Variants in MUC17 observed in about 807,000 individuals in gnomAD.
The protein encoded by MUC17 is mucin-17.
A neutral mutation model predicts 170.3 loss-of-function variants in MUC17; 190 were observed. The observed-to-expected ratio is 1.12, with a 90% CI of 0.99 to 1.26. The LOEUF (loss-of-function observed/expected upper bound fraction) is 1.26. Ranked by LOEUF, MUC17 falls within the 50% of genes most tolerant of loss-of-function variation. The pLI, the probability that MUC17 is intolerant of heterozygous loss-of-function variation, is 0.00. For missense variants in MUC17, 6,415 were observed against 5,530.0 expected, an observed-to-expected ratio of 1.16 and a Z score of -5.08; for synonymous variants, 2,325 against 2,002.5, an observed-to-expected ratio of 1.16 and a Z score of -4.30.
In MUC17 at chr7:101,058,720, A is replaced by G. The variant is rs1255044654; in HGVS notation, c.*676A>G. 1 of 152,192 alleles carries G rather than the reference A, an allele frequency of 6.6e-6. No individual in the cohort carries two copies. Among genetic ancestry groups the G allele is most frequent in the African/African-American group, 2.4e-5 (1 of 41,450 alleles). 9.4% of individuals were successfully genotyped at this position (152,192 alleles called of 1,614,324 possible). On this transcript the variant is annotated 3_prime_UTR_variant, in exon 13 of 13. Transcript: ENST00000306151. ...ATGAAAAACACCTGTATTTAAATAT[A>G]GAGCATTTACCTTTTGGTATATAAG...
At position 101,036,143 on chromosome 7, in the gene MUC17, C is replaced by T. The variant is rs1392925665; in HGVS notation, c.4727C>T (p.Thr1576Ile). ...TATAGTGAAGGAAGCACTCCACTAA[C>T]AAGTTTGCCTGTCAGCACCATGCTG... ...STYSEGSTPL[T>I]SLPVSTMLVV... is the part of the protein sequence containing the mutation. The change falls in exon 3 of 13, where the codon ACA becomes ATA. Residue 1576 changes from threonine (T) to isoleucine (I), a missense_variant. Physicochemically the swap from Thr to Ile is moderately conservative, Grantham distance 89 (BLOSUM62 -1). Coordinates refer to ENST00000306151, the MANE Select transcript of MUC17 (RefSeq NM_001040105.2). 1 of 1,612,934 alleles carries T rather than the reference C, an allele frequency of 6.2e-7. No individual in the cohort carries two copies. Among genetic ancestry groups the T allele is most frequent in the African/African-American group, 1.3e-5 (1 of 74,828 alleles).
intron 1 of MUC17, among the ~76,000 whole-genome samples, chr7:101,022,680 G>A (rs751846168): frequency 6.6e-6 from 1 of 152,090 alleles, no homozygotes; most frequent in Non-Finnish European, 1.5e-5. Context: ...AGCTGGAAAT[G>A]GTGGTACACG....
intron 11 of MUC17, 30 bp downstream of exon 11, chr7:101,053,466 G>A (rs897772936): frequency 1.9e-6 from 3 of 1,578,222 alleles, no homozygotes; most frequent in Non-Finnish European, 2.6e-6. Context: ...AACTCAGAAT[G>A]GCTCAAAATG....
rs1794734258 is a variant in MUC17, at chr7:101,042,181, A to G, written c.10765A>G (p.Thr3589Ala). ...TTMLLSSTYV[T>A]SSEASTPSTP... Reference sequence around the variant, plus strand: ...TATGCTCCTCAGCAGCACATATGTGACCAGTTCTGAGGCTAGCACACCTTC... The same window carrying G: ...TATGCTCCTCAGCAGCACATATGTGGCCAGTTCTGAGGCTAGCACACCTTC... The change falls in exon 3 of 13, where the codon ACC (threonine) becomes GCC (alanine). Residue 3589 changes from threonine (T) to alanine (A), a missense_variant. By Grantham distance (58) the Thr-to-Ala change is moderately conservative (BLOSUM62 0). Coordinates refer to ENST00000306151, the MANE Select transcript of MUC17 (RefSeq NM_001040105.2). 1 of 1,612,716 alleles carries G rather than the reference A, an allele frequency of 6.2e-7. No homozygotes were observed. Among genetic ancestry groups the G allele is most frequent in the South Asian group, 1.1e-5 (1 of 90,980 alleles).
chr7:101,036,850 A>T lies in MUC17; in HGVS notation c.5434A>T (p.Ser1812Cys). The change falls in exon 3 of 13, where the codon AGC becomes TGC. Residue 1812 changes from serine (S) to cysteine (C), a missense_variant. Physicochemically the swap from Ser to Cys is moderately radical, Grantham distance 112. Coordinates refer to ENST00000306151, the MANE Select transcript of MUC17 (RefSeq NM_001040105.2). ...TLSEGMTPLT[S>C]TPVSHTLVAN... ...TAGTGAAGGAATGACTCCATTAACA[A>T]GCACACCTGTCAGCCACACGCTGGT... 6.2e-7 allele frequency: 1 copy of T among 1,605,550 alleles called. No individual in the cohort carries two copies. The highest frequency in any genetic ancestry group is 8.5e-7 in the Non-Finnish European group (1 of 1,175,648).
Position 101,037,137 on chromosome 7 carries a change from T to A in MUC17, c.5721T>A (p.Ser1907=), listed in dbSNP as rs1239428230. The part of the protein sequence containing the change: ...PVTTYAQVSS[S]PTTADGSSMP... Reference sequence around the variant, plus strand: ...CCACTTATGCTCAAGTCAGTTCATCTCCTACAACTGCTGACGGTAGCAGCA... The same window carrying A: ...CCACTTATGCTCAAGTCAGTTCATCACCTACAACTGCTGACGGTAGCAGCA... Residue 1907 remains serine (S), a synonymous_variant, in exon 3 of 13, where the codon TCT becomes TCA. Transcript: ENST00000306151. 4 of 1,612,370 alleles carry A rather than the reference T, an allele frequency of 2.5e-6. No individual in the cohort carries two copies. Among genetic ancestry groups the A allele is most frequent in the African/African-American group, 1.3e-5 (1 of 74,790 alleles).
At position 101,043,696 on chromosome 7, in the gene MUC17, A is replaced by G. The variant is rs201830793; in HGVS notation, c.12280A>G (p.Thr4094Ala). Residue 4094 changes from threonine (T) to alanine (A), a missense_variant, in exon 3 of 13, where the codon ACC (threonine) becomes GCC (alanine). Physicochemically the swap from Thr to Ala is moderately conservative, Grantham distance 58 (BLOSUM62 0). Coordinates refer to ENST00000306151, the MANE Select transcript of MUC17 (RefSeq NM_001040105.2). ...CCCTGAGGCTGTCACCACCATGACC[A>G]CCAGGACAAAACCCAGCACACGGAC... ...VNPEAVTTMT[T>A]RTKPSTRTTS... 1.9e-5 allele frequency: 30 copies of G among 1,614,154 alleles called. No individual in the cohort carries two copies. In the Admixed American group the frequency reaches 3.2e-4, roughly 17 times the overall value.
rs114501274 is a variant in MUC17, at chr7:101,051,515, G to A, written c.12875-98G>A. ...GGGGCCGGATTCCCACCTCCCCATC[G>A]CAGCCCACCCCCTTCTCACACACAC... On this transcript the variant is annotated intron_variant, in intron 7 of 12. Transcript: ENST00000306151. The A allele has an allele frequency of 8.5e-3, 10,242 of 1,204,416 alleles. 659 individuals are homozygous for A. In the African/African-American group the frequency reaches 0.14, roughly 16 times the overall value. The allele number at this position is 1,204,416 out of a possible 1,614,324, so 74.6% of individuals were successfully genotyped here. A position where few individuals can be genotyped will look rare whatever the true frequency, so the allele number is the denominator to read the frequency against.
Position 101,041,798 on chromosome 7 carries a change from CA to C in MUC17, c.10384del (p.Ile3462LeufsTer28). ...STTSEGSTPL[S>X]IMPLSTTPVA... The stretch of plus-strand genomic sequence containing the variant: ...ACTAGTGAAGGAAGCACTCCATTAT[CA>C]ATTATGCCTCTCAGTACCACGCCGG... On this transcript the variant is annotated frameshift_variant, in exon 3 of 13. Transcript: ENST00000306151. LOFTEE classifies it high-confidence loss of function. 6.2e-7 allele frequency: 1 copy of C among 1,613,988 alleles called. No homozygotes were observed. Among genetic ancestry groups the C allele is most frequent in the Non-Finnish European group, 8.5e-7 (1 of 1,180,014 alleles).
intron 1 of MUC17, 103 bp from the exon 2 acceptor site, chr7:101,031,017 G>T: frequency 7.3e-7 from 1 of 1,369,834 alleles, no homozygotes; most frequent in Non-Finnish European, 9.7e-7. Context: ...GGCTGGTTCA[G>T]GGGCCAGGGA....
At chr7:101,053,773 G>A (rs1379879354) in intron 11 of MUC17, among the ~76,000 whole-genome samples, 3 of 151,600 alleles carry the variant, frequency 2.0e-5, no homozygotes, top group South Asian at 2.1e-4. Flanking sequence ...CCAGCTACTC[G>A]GGAGGCTGAG....
rs143440714 is a variant in MUC17 at position 101,040,612 on chromosome 7, C to A, written c.9196C>A (p.Leu3066Ile). 2 of 1,612,166 alleles carry A rather than the reference C, an allele frequency of 1.2e-6. No homozygotes were observed. The highest frequency in any genetic ancestry group is 2.7e-5 in the African/African-American group (2 of 74,816). The change falls in exon 3 of 13, where the codon CTT (leucine) becomes ATT (isoleucine). Residue 3066 changes from leucine to isoleucine, a missense_variant. By Grantham distance (5) the Leu-to-Ile change is conservative. Transcript: ENST00000306151. Reference protein sequence around the residue: ...TPVAIPEASTLSTTPVDSNSP... With the variant: ...TPVAIPEASTISTTPVDSNSP... Reference sequence around the variant, plus strand: ...AGTGGCCATTCCTGAGGCTAGCACCCTTTCAACAACTCCTGTTGACTCCAA... The same window carrying A: ...AGTGGCCATTCCTGAGGCTAGCACCATTTCAACAACTCCTGTTGACTCCAA...
intron 3 of MUC17, among the ~76,000 whole-genome samples, chr7:101,044,803 T>G (rs1369410438): frequency 4.6e-5 from 7 of 152,228 alleles, no homozygotes; most frequent in Admixed American, 3.9e-4. Context: ...ACTTTTTTTT[T>G]GCAGAAGGTT....
rs767832911 is a variant in MUC17, at chr7:101,034,060, A to G, written c.2644A>G (p.Ile882Val). ...CACCACACTGGTGGCCACTTCTGCA[A>G]TCAGCACCCTTTCAACAACTCCTGT... ...VSTTLVATSA[I>V]STLSTTPVDT... Residue 882 changes from isoleucine to valine, a missense_variant, in exon 3 of 13, where the codon ATC becomes GTC. Coordinates refer to ENST00000306151, the MANE Select transcript of MUC17 (RefSeq NM_001040105.2). 5.1e-6 allele frequency: 8 copies of G among 1,582,794 alleles called. No individual in the cohort carries two copies. Among genetic ancestry groups the G allele is most frequent in the East Asian group, 2.3e-5 (1 of 43,344 alleles).
Position 101,032,432 on chromosome 7 carries a change from C to T in MUC17, c.1016C>T (p.Thr339Met), listed in dbSNP as rs4729645. 0.016 allele frequency: 26,424 copies of T among 1,609,854 alleles called. 1,758 individuals carry two copies. The East Asian group carries it at 0.17, about 10-fold the overall frequency. ...YTEGSTPLTS[T>M]PASTMPVATS... ...GAAGGAAGCACTCCATTAACAAGTACGCCTGCCAGCACCATGCCGGTTGCC... is the reference window on the plus strand; with the variant it reads ...GAAGGAAGCACTCCATTAACAAGTATGCCTGCCAGCACCATGCCGGTTGCC... Residue 339 changes from threonine to methionine, a missense_variant, in exon 3 of 13, where the codon ACG becomes ATG. Thr to Met is a moderately conservative substitution (Grantham distance 81). Coordinates refer to ENST00000306151, the MANE Select transcript of MUC17 (RefSeq NM_001040105.2).
rs1440424792 is a variant in MUC17 at position 101,052,866 on chromosome 7, G to T, written c.13104-120G>T. ...ATCCCCTCGGGGTGCCTTGCTTTAT[G>T]CCCCCTGGCAATCTCTTCTTGCCTC... On this transcript the variant is annotated intron_variant, in intron 9 of 12. Transcript: ENST00000306151. 6 of 1,233,662 alleles carry T rather than the reference G, an allele frequency of 4.9e-6. No homozygotes were observed. The African/African-American group carries it at 7.6e-5, about 16-fold the overall frequency. 76.4% of individuals were successfully genotyped at this position (1,233,662 alleles called of 1,614,324 possible). A position where few individuals can be genotyped will look rare whatever the true frequency, so the allele number is the denominator to read the frequency against.
rs542531701 is a variant in MUC17 at position 101,048,930 on chromosome 7, T to G, written c.12621T>G (p.Ser4207=). The change falls in exon 5 of 13, where the codon TCT becomes TCG. Residue 4207 remains serine, a synonymous_variant. Coordinates refer to ENST00000306151, the MANE Select transcript of MUC17 (RefSeq NM_001040105.2). The stretch of plus-strand genomic sequence containing the variant: ...TCACCGAAGAGCTAAAAAACCACTC[T>G]TCCCAGGAATTCCAGGAGTTCAAAC... ...VKFTEELKNH[S]SQEFQEFKQT... 3.1e-6 allele frequency: 5 copies of G among 1,613,980 alleles called. No homozygotes were observed. In the Admixed American group the frequency reaches 8.3e-5, roughly 27 times the overall value.
chr7:101,037,953 C>T lies in MUC17; in HGVS notation c.6537C>T (p.Ser2179=). 1.2e-6 allele frequency: 2 copies of T among 1,612,614 alleles called. No individual in the cohort carries two copies. Among genetic ancestry groups the T allele is most frequent in the Non-Finnish European group, 1.7e-6 (2 of 1,178,920 alleles). ...STTVVASSAI[S]TLSTTPVDTS... ...CAGTGGTGGCCAGTTCTGCAATCAGCACCCTTTCAACAACTCCTGTTGACA... is the reference window on the plus strand; with the variant it reads ...CAGTGGTGGCCAGTTCTGCAATCAGTACCCTTTCAACAACTCCTGTTGACA... The change falls in exon 3 of 13, where the codon AGC becomes AGT. Residue 2179 remains serine, a synonymous_variant. Coordinates refer to ENST00000306151, the MANE Select transcript of MUC17 (RefSeq NM_001040105.2).
At position 101,023,145 on chromosome 7, in the gene MUC17, C is replaced by T. The variant is rs143188935; in HGVS notation, c.82+2928C>T. Among the ~76,000 whole-genome samples, 172 of 152,166 alleles carry T rather than the reference C, an allele frequency of 1.1e-3. 2 individuals carry two copies. The highest frequency in any genetic ancestry group is 0.011 in the East Asian group (58 of 5,158). ...TCTCTGGCGTTCCTGGGCTGGTAGA[C>T]GCTTTGCCTCCATCTTTACTTCATC... On this transcript the variant is annotated intron_variant, in intron 1 of 12. Transcript: ENST00000306151.
Sources: allele counts gnomAD v4.1 joint callset (sites outside exome capture counted in the v4.1 genomes callset), GRCh38; gene constraint gnomAD v4.1.1; transcripts MANE v1.5; gene names NCBI Gene and HGNC (gene_info 2026-07-23, HGNC 2026-07-21).